Variants in CDC73 observed in about 807,000 individuals in gnomAD.
CDC73 encodes parafibromin.
CDC73 carries 21 observed loss-of-function variants against 83.7 expected under a neutral mutation model. The ratio of observed to expected loss-of-function variants is 0.25; its 90% CI spans 0.18 to 0.36. The LOEUF (loss-of-function observed/expected upper bound fraction) is 0.36, where lower values mean the gene tolerates loss of function less well. Ranked by LOEUF, CDC73 falls within the 10% of genes least tolerant of loss-of-function variation. CDC73 has a pLI of 1.00. For missense variants in CDC73, 342 were observed against 653.3 expected (o/e 0.52, Z 5.19); for synonymous variants, 224 against 212.9 (o/e 1.05, Z -0.45).
At chr1:193,192,169 A>G (rs754104211) in intron 10 of CDC73, among the ~76,000 whole-genome samples, 2 of 152,034 alleles carry the variant, frequency 1.3e-5, no homozygotes, top group Non-Finnish European at 2.9e-5. Flanking sequence ...GGAGCCAAGC[A>G]TGGTAGCTCA....
chr1:193,174,475 A>G (rs1198513090), intron 10 of CDC73, among the ~76,000 whole-genome samples: 6 of 152,180 alleles, frequency 3.9e-5, no homozygotes. Context: ...AGTATTTTCA[A>G]ATGAATCTGA....
intron 15 of CDC73, among the ~76,000 whole-genome samples, chr1:193,244,306 A>G (rs146630820): frequency 1.0e-3 from 155 of 152,350 alleles, no homozygotes; most frequent in Non-Finnish European, 2.0e-3. Flanking sequence ...AATGGCAATC[A>G]TATAATTTCA....
chr1:193,224,958 T>G (rs1441356072), intron 13 of CDC73, among the ~76,000 whole-genome samples: 1 of 152,098 alleles, frequency 6.6e-6, no homozygotes, highest in East Asian at 1.9e-4. Flanking sequence ...CTAAGTAGTT[T>G]GTGAGATTTT....
intron 1 of CDC73, among the ~76,000 whole-genome samples, chr1:193,124,249 A>G (rs1244299471): frequency 6.6e-6 from 1 of 152,238 alleles, no homozygotes; most frequent in Non-Finnish European, 1.5e-5. Context: ...TAAAACACTA[A>G]ACAATACTTA....
At chr1:193,240,115 T>C (rs1205235066) in intron 15 of CDC73, among the ~76,000 whole-genome samples, 2 of 152,170 alleles carry the variant, frequency 1.3e-5, no homozygotes, top group Non-Finnish European at 2.9e-5. Flanking sequence ...ATAGGAAAAT[T>C]TGTCTTTCTG....
chr1:193,187,717 G>A (rs1449341932), intron 10 of CDC73, among the ~76,000 whole-genome samples: 2 of 151,116 alleles, frequency 1.3e-5, no homozygotes, highest in Non-Finnish European at 3.0e-5. Context: ...ATATGAATTT[G>A]TTTTCTCTGA....
chr1:193,197,927 C>CAAA (rs61392426), intron 10 of CDC73, among the ~76,000 whole-genome samples: 2,727 of 73,202 alleles, frequency 0.037, 134 homozygotes, highest in African/African-American at 0.12. Context: ...ACCATCTCAC[C>CAAA]AAAAAAAAAA....
rs752383339 is a variant in CDC73 at position 193,147,952 on chromosome 1, A to G, written c.815A>G (p.Asn272Ser). ...GRAPEQRPAP[N>S]AAPVDPTLRT... Reference sequence around the variant, plus strand: ...GCACCTGAACAGCGACCTGCCCCAAATGCAGCACCTGTGGTAAGAATGCTT... The same window carrying G: ...GCACCTGAACAGCGACCTGCCCCAAGTGCAGCACCTGTGGTAAGAATGCTT... The change falls in exon 8 of 17, where the codon AAT becomes AGT. Residue 272 changes from asparagine to serine, a missense_variant. Asn to Ser is a conservative substitution (Grantham distance 46). This residue lies in a region of CDC73 where 239 missense variants were observed against 420.6 expected (regional missense o/e 0.57). Coordinates refer to ENST00000367435, the MANE Select transcript of CDC73 (RefSeq NM_024529.5). The G allele has an allele frequency of 3.7e-6, 6 of 1,610,666 alleles. No homozygotes were observed. In the East Asian group the frequency reaches 1.1e-4, roughly 30 times the overall value.
intron 15 of CDC73, among the ~76,000 whole-genome samples, chr1:193,246,680 C>A (rs1677960387): frequency 6.6e-6 from 1 of 152,082 alleles, no homozygotes; most frequent in Non-Finnish European, 1.5e-5. Context: ...TTTTCTCTTG[C>A]CACCCATATA....
At chr1:193,178,718 A>G (rs563162406) in intron 10 of CDC73, among the ~76,000 whole-genome samples, 6 of 152,218 alleles carry the variant, frequency 3.9e-5, no homozygotes, top group African/African-American at 1.4e-4. Context: ...GGTGTGTTAC[A>G]TAGATCAGCT....
At chr1:193,249,648 C>A in intron 15 of CDC73, 82 bp from the exon 16 acceptor site, 1 of 1,037,376 alleles carries the variant, frequency 9.6e-7, no homozygotes, top group Non-Finnish European at 1.5e-6. Flanking sequence ...TATAATACGG[C>A]TTCAGTTGGT....
chr1:193,211,915 G>A (rs907944239), intron 11 of CDC73, 150 bp from the exon 12 acceptor site: 1 of 643,794 alleles, frequency 1.6e-6, no homozygotes, highest in East Asian at 2.8e-5. Context: ...GTCAAACAGT[G>A]TTGAGAAGAT....
chr1:193,143,113 T>G (rs543333498), intron 7 of CDC73, among the ~76,000 whole-genome samples: 20 of 152,334 alleles, frequency 1.3e-4, no homozygotes, highest in African/African-American at 4.3e-4. Context: ...TTAGTAGAAA[T>G]AAAGCTATGA....
chr1:193,127,264 ACT>A (rs1333171718), intron 2 of CDC73, among the ~76,000 whole-genome samples: 1 of 144,820 alleles, frequency 6.9e-6, no homozygotes, highest in Non-Finnish European at 1.5e-5. Context: ...TAGAGCAAAG[ACT>A]CTGTCTCAGG....
intron 10 of CDC73, among the ~76,000 whole-genome samples, chr1:193,170,388 T>C (rs896513850): frequency 6.6e-6 from 1 of 152,222 alleles, no homozygotes; most frequent in African/African-American, 2.4e-5. Context: ...TTCACAATAG[T>C]TGAATTAATT....
At position 193,253,551 on chromosome 1, in the gene CDC73, AAT is replaced by A. The variant is rs1443228769; in HGVS notation, c.*2840_*2841del. On this transcript the variant is annotated 3_prime_UTR_variant, in exon 17 of 17. Transcript: ENST00000367435. ...GTATTTTACTGTTTAATATTTAAAC[AAT>A]GTTTAATGTATTTCATTATTAACTA... 1 of 232,072 alleles carries A rather than the reference AAT, an allele frequency of 4.3e-6. No homozygotes were observed. The highest frequency in any genetic ancestry group is 2.2e-5 in the African/African-American group (1 of 45,300). 14.4% of individuals were successfully genotyped at this position (232,072 alleles called of 1,614,324 possible).
rs1043309182 is a variant in CDC73, at chr1:193,253,768, G to A, written c.*3056G>A. The A allele has an allele frequency of 6.1e-5, 14 of 230,624 alleles. 1 individual carries two copies. In the South Asian group the frequency reaches 1.6e-3, roughly 27 times the overall value. 14.3% of individuals were successfully genotyped at this position (230,624 alleles called of 1,614,324 possible). A position where few individuals can be genotyped will look rare whatever the true frequency, so the allele number is the denominator to read the frequency against. On this transcript the variant is annotated 3_prime_UTR_variant, in exon 17 of 17. Coordinates refer to ENST00000367435, the MANE Select transcript of CDC73 (RefSeq NM_024529.5). ...GACAAATACAGTTTGCTTATGAAAG[G>A]AAAGTGGCATACTTTTAAATTGGTC...
chr1:193,144,845 T>G (rs977559102), intron 7 of CDC73, among the ~76,000 whole-genome samples: 1 of 148,046 alleles, frequency 6.8e-6, no homozygotes, highest in Non-Finnish European at 1.5e-5. Flanking sequence ...ATGAAGGAAA[T>G]AAATTTGTTC....
Position 193,122,134 on chromosome 1 carries a change from GAGA to G in CDC73, c.-61_-59del, listed in dbSNP as rs1675459230. On this transcript the variant is annotated 5_prime_UTR_variant, in exon 1 of 17. Coordinates refer to ENST00000367435, the MANE Select transcript of CDC73 (RefSeq NM_024529.5). ...GAGGAGGAAGAGGGCGAGGCGACAA[GAGA>G]AGAAGGAGGCAGGCGCGGCGGCAGC... The G allele has an allele frequency of 5.9e-6, 9 of 1,520,658 alleles. No homozygotes were observed. In the Admixed American group the frequency reaches 1.2e-4, roughly 20 times the overall value. The allele number at this position is 1,520,658 out of a possible 1,614,324, so 94.2% of individuals were successfully genotyped here. A position where few individuals can be genotyped will look rare whatever the true frequency, so the allele number is the denominator to read the frequency against.
Sources: gnomAD v4.1 joint callset for allele counts (sites outside exome capture counted in the v4.1 genomes callset) on GRCh38, gnomAD v4.1.1 for gene constraint, gnomAD v4.1.1 regional missense constraint, MANE v1.5 for transcripts, NCBI Gene and HGNC (gene_info 2026-07-23, HGNC 2026-07-21) for gene names.